The following MTUS2 variants were observed in gnomAD, a reference collection of about 807,000 sequenced individuals.
MTUS2 encodes the protein microtubule associated scaffold protein 2.
A neutral mutation model predicts 114.1 loss-of-function variants in MTUS2; 40 were observed. The ratio of observed to expected loss-of-function variants is 0.35; its 90% CI spans 0.27 to 0.46. MTUS2 has a LOEUF of 0.46. Among genes scored for constraint, MTUS2 ranks in the 20% least tolerant of loss-of-function variants. MTUS2 has a pLI of 1.00. For synonymous variants in MTUS2, 688 were observed against 672.0 expected (o/e 1.02, Z -0.37); for missense variants, 1,679 against 1,705.4 (o/e 0.98, Z 0.27).
chr13:28,860,719 AAGT>A (rs1876924077), intron 2 of MTUS2, among the ~76,000 whole-genome samples: 1 of 152,160 alleles, frequency 6.6e-6, no homozygotes, highest in African/African-American at 2.4e-5. Flanking sequence ...GAACTAGGGC[AAGT>A]CATTCTTACA....
intron 9 of MTUS2, among the ~76,000 whole-genome samples, chr13:29,449,252 G>A (rs906916096): frequency 2.0e-5 from 3 of 148,790 alleles, no homozygotes; most frequent in African/African-American, 7.4e-5. Flanking sequence ...TTGCGGCAGT[G>A]AGCACTGAAT....
At chr13:28,937,060 A>G (rs1881940314) in intron 2 of MTUS2, among the ~76,000 whole-genome samples, 1 of 152,200 alleles carries the variant, frequency 6.6e-6, no homozygotes, top group East Asian at 1.9e-4. Context: ...TCTTGTGGCT[A>G]TAGACTGAAA....
At chr13:29,262,602 A>G (rs898504499) in intron 5 of MTUS2, among the ~76,000 whole-genome samples, 4 of 151,676 alleles carry the variant, frequency 2.6e-5, no homozygotes, top group African/African-American at 9.7e-5. Context: ...TGAAGGAATT[A>G]TGACTAGCTC....
intron 7 of MTUS2, among the ~76,000 whole-genome samples, chr13:29,337,207 C>T (rs2138091941): frequency 1.3e-5 from 2 of 151,098 alleles, no homozygotes; most frequent in South Asian, 2.1e-4. Context: ...AAAAAAACTC[C>T]TGCAACTAGC....
rs139939319 is a variant in MTUS2, at chr13:28,937,894, C to T, written c.-242-86563C>T. Among the ~76,000 whole-genome samples the T allele has an allele frequency of 4.0e-3, 612 of 152,150 alleles. 3 individuals carry two copies. The highest frequency in any genetic ancestry group is 0.014 in the African/African-American group (584 of 41,528). The stretch of plus-strand genomic sequence containing the variant: ...AAGGAAGACACTGAGCCTAATAGGC[C>T]GGAGCTTTGGTACCCTCACTCCTTT... On this transcript the variant is annotated intron_variant, in intron 2 of 15. Transcript: ENST00000612955.
chr13:29,265,159 A>C (rs1445082967), intron 5 of MTUS2, among the ~76,000 whole-genome samples: 1 of 152,222 alleles, frequency 6.6e-6, no homozygotes. Context: ...AATTTCTTCC[A>C]CCAAATTCTA....
intron 6 of MTUS2, among the ~76,000 whole-genome samples, chr13:29,289,060 T>C (rs1277548760): frequency 2.0e-5 from 3 of 152,216 alleles, no homozygotes; most frequent in Non-Finnish European, 4.4e-5. Flanking sequence ...GTATAGCAAA[T>C]TGAAATACCC....
intron 5 of MTUS2, among the ~76,000 whole-genome samples, chr13:29,270,568 C>G (rs551165954): frequency 6.6e-6 from 1 of 152,338 alleles, no homozygotes; most frequent in East Asian, 1.9e-4. Flanking sequence ...TGAGGTCTCC[C>G]TCTGGCATTC....
intron 5 of MTUS2, among the ~76,000 whole-genome samples, chr13:29,130,531 T>G (rs1891714186): frequency 6.6e-6 from 1 of 152,232 alleles, no homozygotes; most frequent in Non-Finnish European, 1.5e-5. Context: ...CTTCTGCCCC[T>G]GCACACTCAG....
intron 2 of MTUS2, among the ~76,000 whole-genome samples, chr13:28,851,243 C>T (rs1193427106): frequency 6.6e-6 from 1 of 152,190 alleles, no homozygotes; most frequent in Non-Finnish European, 1.5e-5. Flanking sequence ...AGATCTGTAA[C>T]ATTCACATAA....
At position 29,505,481 on chromosome 13, in the gene MTUS2, C is replaced by T. The variant is rs912814162; in HGVS notation, c.*2275C>T. ...TTTGTTTGTTTTTTTTCTTTTGTTA[C>T]GGACACCCATCATGTATGGCTCCTC... is the stretch of plus-strand genomic sequence containing the variant. On this transcript the variant is annotated 3_prime_UTR_variant, in exon 16 of 16. Transcript: ENST00000612955. The T allele has an allele frequency of 7.4e-5, 16 of 217,186 alleles. No individual in the cohort carries two copies. The South Asian group carries it at 1.9e-3, about 26-fold the overall frequency. The allele number at this position is 217,186 out of a possible 1,614,324, so 13.5% of individuals were successfully genotyped here.
chr13:29,445,569 G>T (rs1190606538), intron 9 of MTUS2, among the ~76,000 whole-genome samples: 1 of 152,100 alleles, frequency 6.6e-6, no homozygotes, highest in South Asian at 2.1e-4. Flanking sequence ...CCTGCACTTG[G>T]TATACTCACC....
intron 2 of MTUS2, among the ~76,000 whole-genome samples, chr13:28,973,916 T>C (rs1271368185): frequency 1.3e-5 from 2 of 152,220 alleles, no homozygotes; most frequent in Admixed American, 6.5e-5. Context: ...TGTGTTGCAC[T>C]TAGGGCAGAG....
intron 7 of MTUS2, among the ~76,000 whole-genome samples, chr13:29,325,556 GAGGAA>G (rs1900469966): frequency 1.0e-4 from 6 of 59,736 alleles, no homozygotes; most frequent in South Asian, 8.9e-4. Flanking sequence ...GAAGGAAGAA[GAGGAA>G]GAAGAAGAAG....
At chr13:28,892,166 G>C (rs541751828) in intron 2 of MTUS2, among the ~76,000 whole-genome samples, 2 of 152,110 alleles carry the variant, frequency 1.3e-5, no homozygotes, top group African/African-American at 4.8e-5. Context: ...CTTGAGGGAT[G>C]GACTGTCTCC....
At chr13:29,226,067 C>T (rs757854160) in intron 5 of MTUS2, among the ~76,000 whole-genome samples, 1 of 152,140 alleles carries the variant, frequency 6.6e-6, no homozygotes, top group South Asian at 2.1e-4. Flanking sequence ...TAGTGTTCTG[C>T]TGAGTTAATA....
chr13:29,031,434 T>C (rs1886824595), intron 3 of MTUS2, among the ~76,000 whole-genome samples: 1 of 151,926 alleles, frequency 6.6e-6, no homozygotes, highest in African/African-American at 2.4e-5. Flanking sequence ...AGAGATTGAT[T>C]GACTGATTGA....
intron 2 of MTUS2, among the ~76,000 whole-genome samples, chr13:28,975,026 T>C (rs1884024982): frequency 6.6e-6 from 1 of 152,174 alleles, no homozygotes; most frequent in African/African-American, 2.4e-5. Context: ...AATCCTTCAG[T>C]TATAAAAGAA....
intron 2 of MTUS2, among the ~76,000 whole-genome samples, chr13:28,933,950 G>A (rs764683038): frequency 6.6e-6 from 1 of 152,178 alleles, no homozygotes; most frequent in Non-Finnish European, 1.5e-5. Context: ...TTAGATGGCT[G>A]TTAGTCAATT....
Sources: gnomAD v4.1 joint callset for allele counts (sites outside exome capture counted in the v4.1 genomes callset) on GRCh38, gnomAD v4.1.1 for gene constraint, MANE v1.5 for transcripts, NCBI Gene and HGNC (gene_info 2026-07-23, HGNC 2026-07-21) for gene names.